The following FBXL17 variants were observed in gnomAD, a reference collection of about 807,000 sequenced individuals.
The protein encoded by FBXL17 is F-box/LRR-repeat protein 17.
FBXL17 carries 22 observed loss-of-function variants against 66.2 expected under a neutral mutation model. That is an observed-to-expected ratio of 0.33 (90% CI 0.24 to 0.47). FBXL17 has a LOEUF of 0.47. Among genes scored for constraint, FBXL17 ranks in the 20% least tolerant of loss-of-function variants. The pLI is 1.00. For synonymous variants in FBXL17, 474 were observed against 400.5 expected, an observed-to-expected ratio of 1.18 and a Z score of -2.19; for missense variants, 878 against 948.2, an observed-to-expected ratio of 0.93 and a Z score of 0.97.
intron 1 of FBXL17, among the ~76,000 whole-genome samples, chr5:108,372,417 G>A (rs1311770259): frequency 6.6e-6 from 1 of 152,132 alleles, no homozygotes; most frequent in African/African-American, 2.4e-5. Context: ...CATGAATCTA[G>A]CTCATAAACT....
intron 6 of FBXL17, among the ~76,000 whole-genome samples, chr5:108,152,966 G>A (rs1475941817): frequency 6.6e-6 from 1 of 152,116 alleles, no homozygotes; most frequent in Non-Finnish European, 1.5e-5. Context: ...AATCATGAGG[G>A]CAAGTCTTTC....
At chr5:108,241,545 AG>A (rs2150101058) in intron 4 of FBXL17, among the ~76,000 whole-genome samples, 1 of 152,280 alleles carries the variant, frequency 6.6e-6, no homozygotes, top group South Asian at 2.1e-4. Flanking sequence ...TGCCTTTAAA[AG>A]GAAGTAGAGA....
intron 6 of FBXL17, among the ~76,000 whole-genome samples, chr5:108,133,323 G>C (rs1408749805): frequency 6.6e-6 from 1 of 151,872 alleles, no homozygotes; most frequent in Non-Finnish European, 1.5e-5. Flanking sequence ...ACTATGCATG[G>C]GAGAAGTGGC....
chr5:108,035,444 G>A (rs1011075337), intron 6 of FBXL17, among the ~76,000 whole-genome samples: 1 of 152,038 alleles, frequency 6.6e-6, no homozygotes, highest in South Asian at 2.1e-4. Context: ...CTGGCTCACT[G>A]CAACCTCTGC....
chr5:108,275,444 C>G (rs1197374222), intron 4 of FBXL17, among the ~76,000 whole-genome samples: 1 of 152,098 alleles, frequency 6.6e-6, no homozygotes, highest in Non-Finnish European at 1.5e-5. Context: ...TATGACTTAC[C>G]CTGAATATGT....
At chr5:108,246,043 A>T (rs1433056140) in intron 4 of FBXL17, among the ~76,000 whole-genome samples, 1 of 152,158 alleles carries the variant, frequency 6.6e-6, no homozygotes, top group African/African-American at 2.4e-5. Context: ...TCTCCCACAC[A>T]GTTTCTTCAG....
chr5:108,215,833 T>A (rs1461252670), intron 5 of FBXL17, among the ~76,000 whole-genome samples: 1 of 152,216 alleles, frequency 6.6e-6, no homozygotes, highest in African/African-American at 2.4e-5. Context: ...TAGTTTTAAC[T>A]CCTACATTTA....
At chr5:108,324,464 T>C (rs1243873370) in intron 4 of FBXL17, among the ~76,000 whole-genome samples, 1 of 152,054 alleles carries the variant, frequency 6.6e-6, no homozygotes, top group African/African-American at 2.4e-5. Flanking sequence ...GTGGAGAAAT[T>C]AGAATCCTTG....
At chr5:108,026,587 C>T (rs1045394084) in intron 6 of FBXL17, among the ~76,000 whole-genome samples, 1 of 152,294 alleles carries the variant, frequency 6.6e-6, no homozygotes, top group African/African-American at 2.4e-5. Flanking sequence ...GCTCAAAGCA[C>T]GTTCTTAATA....
chr5:108,157,514 T>C (rs1299430505), intron 6 of FBXL17, among the ~76,000 whole-genome samples: 4 of 151,704 alleles, frequency 2.6e-5, no homozygotes, highest in African/African-American at 9.7e-5. Context: ...ATGTTTGCTG[T>C]ATTCTACGAA....
At chr5:108,227,844 G>T (rs939530281) in intron 4 of FBXL17, among the ~76,000 whole-genome samples, 2 of 152,068 alleles carry the variant, frequency 1.3e-5, no homozygotes, top group African/African-American at 4.8e-5. Flanking sequence ...GAATTTTTAA[G>T]GCACTAAAAT....
chr5:108,275,379 T>TA (rs1757442734), intron 4 of FBXL17, among the ~76,000 whole-genome samples: 1 of 152,088 alleles, frequency 6.6e-6, no homozygotes, highest in South Asian at 2.1e-4. Context: ...TAAAGCAATT[T>TA]AAAAAAATGC....
At chr5:107,869,312 C>T (rs539549228) in intron 8 of FBXL17, among the ~76,000 whole-genome samples, 113 of 152,282 alleles carry the variant, frequency 7.4e-4, no homozygotes, top group African/African-American at 2.3e-3. Context: ...TCCATGGAAC[C>T]TGGTATTCAC....
chr5:107,948,254 CTGAG>C (rs1398166953), intron 7 of FBXL17, among the ~76,000 whole-genome samples: 2 of 152,056 alleles, frequency 1.3e-5, no homozygotes, highest in African/African-American at 2.4e-5. Flanking sequence ...TCACTTTTTT[CTGAG>C]TATTTACCTA....
At chr5:108,034,435 A>G (rs1746761755) in intron 6 of FBXL17, among the ~76,000 whole-genome samples, 4 of 152,206 alleles carry the variant, frequency 2.6e-5, no homozygotes, top group Admixed American at 2.6e-4. Flanking sequence ...CAGAAACTGG[A>G]TTAGGACTCT....
At chr5:108,263,813 CA>C (rs1756932390) in intron 4 of FBXL17, among the ~76,000 whole-genome samples, 1 of 152,142 alleles carries the variant, frequency 6.6e-6, no homozygotes, top group Non-Finnish European at 1.5e-5. Context: ...AACTTCACTC[CA>C]AAAACCCATG....
chr5:108,208,201 T>G (rs556798906), intron 5 of FBXL17, among the ~76,000 whole-genome samples: 47 of 152,362 alleles, frequency 3.1e-4, no homozygotes, highest in African/African-American at 1.1e-3. Flanking sequence ...TCTTTGTAGA[T>G]TCTGGATATT....
At chr5:108,305,127 C>T (rs1758775362) in intron 4 of FBXL17, among the ~76,000 whole-genome samples, 1 of 152,098 alleles carries the variant, frequency 6.6e-6, no homozygotes, top group Middle Eastern at 3.4e-3. Flanking sequence ...AACTTATGTG[C>T]AGGAAAAAGT....
intron 6 of FBXL17, among the ~76,000 whole-genome samples, chr5:108,057,921 A>ACC (rs1747771180): frequency 6.6e-6 from 1 of 152,238 alleles, no homozygotes; most frequent in Non-Finnish European, 1.5e-5. Context: ...ATCCATAAAA[A>ACC]ACACCACGTG....
Sources: allele counts gnomAD v4.1 joint callset (sites outside exome capture counted in the v4.1 genomes callset), GRCh38; gene constraint gnomAD v4.1.1; transcripts MANE v1.5; gene names NCBI Gene and HGNC (gene_info 2026-07-23, HGNC 2026-07-21).